TMEM128: variants seen among roughly 807,000 people sequenced by gnomAD.
The protein encoded by TMEM128 is transmembrane protein 128.
A neutral mutation model predicts 19.7 loss-of-function variants in TMEM128; 16 were observed. The ratio of observed to expected loss-of-function variants is 0.81; its 90% CI spans 0.55 to 1.23. The LOEUF is 1.23. Ranked by LOEUF, TMEM128 falls within the 50% of genes most tolerant of loss-of-function variation. The pLI, the probability that TMEM128 is intolerant of heterozygous loss-of-function variation, is 0.00. For missense variants in TMEM128, 237 were observed against 200.8 expected (o/e 1.18, Z -1.09); for synonymous variants, 98 against 75.8 (o/e 1.29, Z -1.52).
chr4:4,247,703 T>C (rs1047268406), intron 1 of TMEM128: 1 of 1,600,370 alleles, frequency 6.2e-7, no homozygotes, highest in African/African-American at 1.3e-5. Flanking sequence ...CAGGTATACA[T>C]ATACCCAAAT....
chr4:4,246,171 T>C, intron 2 of TMEM128, 31 bp downstream of exon 2: 1 of 1,574,858 alleles, frequency 6.3e-7, no homozygotes, highest in South Asian at 1.2e-5. Context: ...CAGACTTGGG[T>C]TTAATTTACA....
At chr4:4,242,444 A>T (rs1172078550) in intron 2 of TMEM128, among the ~76,000 whole-genome samples, 1 of 151,918 alleles carries the variant, frequency 6.6e-6, no homozygotes, top group Non-Finnish European at 1.5e-5. Context: ...ATGTCTAAAA[A>T]GGCCTTTTAT....
intron 1 of TMEM128, 96 bp from the exon 2 acceptor site, chr4:4,246,439 A>G (rs1335825757): frequency 4.0e-6 from 5 of 1,264,204 alleles, no homozygotes; most frequent in African/African-American, 3.0e-5. Context: ...AGAGCTAAGA[A>G]ACAGTCTCTC....
chr4:4,237,080 G>A, intron 4 of TMEM128: 1 of 455,826 alleles, frequency 2.2e-6, no homozygotes, highest in South Asian at 1.6e-5. Flanking sequence ...GGGGTGATCT[G>A]TAGGGAGGCA....
chr4:4,245,399 C>T (rs140623834), intron 2 of TMEM128, among the ~76,000 whole-genome samples: 2 of 152,160 alleles, frequency 1.3e-5, no homozygotes, highest in Non-Finnish European at 2.9e-5. Flanking sequence ...ACAGTTACAC[C>T]CTGTAGTTAC....
chr4:4,240,937 C>T (rs939111495), intron 2 of TMEM128, among the ~76,000 whole-genome samples: 8 of 152,130 alleles, frequency 5.3e-5, no homozygotes, highest in African/African-American at 2.4e-5. Flanking sequence ...ATTAGCCAGG[C>T]GTGGTGGCGC....
chr4:4,243,673 T>C (rs1015435704), intron 2 of TMEM128, among the ~76,000 whole-genome samples: 4 of 152,134 alleles, frequency 2.6e-5, no homozygotes, highest in African/African-American at 9.7e-5. Flanking sequence ...TTTCTGCCTT[T>C]TTCTCTCTAA....
chr4:4,246,208 G>A lies in TMEM128; in HGVS notation c.233C>T (p.Thr78Ile), dbSNP rs755557427. 3.1e-6 allele frequency: 5 copies of A among 1,592,554 alleles called. No homozygotes were observed. In the African/African-American group the frequency reaches 4.1e-5, roughly 13 times the overall value. The change falls in exon 2 of 5, where the codon ACT becomes ATT. Residue 78 changes from threonine (T) to isoleucine (I), a missense_variant. Transcript: ENST00000382753. ...FFKTLKENFH[T>I]SSWFLCGSAL... ...AGCAATAAAATTTTCTTACCTGCTA[G>A]TGTGGAAGTTTTCTTTAAGGGTTTT...
chr4:4,242,445 G>C (rs960589820), intron 2 of TMEM128, among the ~76,000 whole-genome samples: 1 of 151,640 alleles, frequency 6.6e-6, no homozygotes, highest in African/African-American at 2.4e-5. Flanking sequence ...TGTCTAAAAA[G>C]GCCTTTTATC....
rs1718161774 is a variant in TMEM128, at chr4:4,246,205, C to T, written c.236G>A (p.Ser79Asn). 11 of 1,586,266 alleles carry T rather than the reference C, an allele frequency of 6.9e-6. No individual in the cohort carries two copies. In the East Asian group the frequency reaches 2.5e-4, roughly 36 times the overall value. ...CAAAGCAATAAAATTTTCTTACCTGCTAGTGTGGAAGTTTTCTTTAAGGGT... is the reference window on the plus strand; with the variant it reads ...CAAAGCAATAAAATTTTCTTACCTGTTAGTGTGGAAGTTTTCTTTAAGGGT... ...FKTLKENFHT[S>N]SWFLCGSALL... The change falls in exon 2 of 5, where the codon AGC (serine) becomes AAC (asparagine). Residue 79 changes from serine to asparagine, a missense_variant. Transcript: ENST00000382753.
At chr4:4,242,738 T>C (rs557061213) in intron 2 of TMEM128, among the ~76,000 whole-genome samples, 47 of 152,080 alleles carry the variant, frequency 3.1e-4, no homozygotes, top group African/African-American at 1.1e-3. Context: ...AGGATGGTCT[T>C]GAACTCCTGA....
intron 1 of TMEM128, 38 bp from the exon 2 acceptor site, chr4:4,246,381 C>T (rs772160223): frequency 6.4e-7 from 1 of 1,570,118 alleles, no homozygotes; most frequent in African/African-American, 1.4e-5. Flanking sequence ...TAAGTTACCA[C>T]AATTTTGCGA....
At chr4:4,243,775 C>A (rs1167206809) in intron 2 of TMEM128, among the ~76,000 whole-genome samples, 1 of 152,142 alleles carries the variant, frequency 6.6e-6, no homozygotes, top group Non-Finnish European at 1.5e-5. Flanking sequence ...GGCTTTGCCA[C>A]ACAGCAGTTA....
At chr4:4,239,141 T>C (rs546530264) in intron 3 of TMEM128, among the ~76,000 whole-genome samples, 1 of 152,354 alleles carries the variant, frequency 6.6e-6, no homozygotes, top group Non-Finnish European at 1.5e-5. Flanking sequence ...TAGGATATAT[T>C]TCCTTTGTGT....
At chr4:4,245,494 C>G (rs995033256) in intron 2 of TMEM128, among the ~76,000 whole-genome samples, 7 of 152,196 alleles carry the variant, frequency 4.6e-5, no homozygotes, top group Non-Finnish European at 1.0e-4. Context: ...TCCCAGTACT[C>G]TTGTACTTGG....
chr4:4,247,916 A>G, intron 1 of TMEM128, 190 bp downstream of exon 1: 1 of 1,429,610 alleles, frequency 7.0e-7, no homozygotes, highest in Non-Finnish European at 9.1e-7. Context: ...AGCTCTCCAG[A>G]GAATTCTGAA....
chr4:4,247,975 C>T, intron 1 of TMEM128, 131 bp downstream of exon 1: 2 of 1,449,198 alleles, frequency 1.4e-6, no homozygotes, highest in Non-Finnish European at 1.8e-6. Flanking sequence ...TAAGGATCTT[C>T]CCTGACATTA....
At chr4:4,248,081 C>A (rs1375248571) in intron 1 of TMEM128, 25 bp downstream of exon 1, 4 of 1,535,062 alleles carry the variant, frequency 2.6e-6, no homozygotes, top group East Asian at 4.9e-5. Context: ...CTGAGAACCT[C>A]GGGGCGGCTT....
chr4:4,247,290 G>T (rs565079651), intron 1 of TMEM128, among the ~76,000 whole-genome samples: 9 of 152,230 alleles, frequency 5.9e-5, no homozygotes, highest in Admixed American at 5.2e-4. Context: ...GAGAATCAAT[G>T]GTCCACATCT....
Sources: allele counts gnomAD v4.1 joint callset (sites outside exome capture counted in the v4.1 genomes callset), GRCh38; gene constraint gnomAD v4.1.1; transcripts MANE v1.5; gene names NCBI Gene and HGNC (gene_info 2026-07-23, HGNC 2026-07-21).